Variants in KIF6 observed in about 807,000 individuals in gnomAD.
KIF6 encodes kinesin-like protein KIF6.
A neutral mutation model predicts 112.7 loss-of-function variants in KIF6; 106 were observed. The ratio of observed to expected loss-of-function variants is 0.94; its 90% confidence interval spans 0.80 to 1.11. The LOEUF (loss-of-function observed/expected upper bound fraction) is 1.11, where lower values mean the gene tolerates loss of function less well. KIF6 is among the 50% of genes least tolerant of loss of function. KIF6 has a pLI of 0.00. For missense variants in KIF6, 929 were observed against 964.0 expected (o/e 0.96, Z 0.48); for synonymous variants, 339 against 339.9 (o/e 1.00, Z 0.03).
At chr6:39,420,719 C>T (rs563250104) in intron 14 of KIF6, among the ~76,000 whole-genome samples, 22 of 152,244 alleles carry the variant, frequency 1.4e-4, no homozygotes, top group Non-Finnish European at 2.8e-4. Flanking sequence ...ACATTGGATA[C>T]ACGTATCCAC....
At chr6:39,370,453 C>G (rs1310933682) in intron 16 of KIF6, among the ~76,000 whole-genome samples, 2 of 152,190 alleles carry the variant, frequency 1.3e-5, no homozygotes, top group Non-Finnish European at 2.9e-5. Context: ...TCTCCCTCTT[C>G]TTTTGGAAAA....
At position 39,370,143 on chromosome 6, in the gene KIF6, C is replaced by T. The variant is rs141848515; in HGVS notation, c.1862-7625G>A. Among the ~76,000 whole-genome samples, 420 of 152,308 alleles carry T rather than the reference C, an allele frequency of 2.8e-3. 2 individuals carry two copies. The highest frequency in any genetic ancestry group is 9.5e-3 in the African/African-American group (396 of 41,548). ...TCCTGTCACTTAAGCCTCATGGACTCGTGGTGACCATATGGCTCAGTGCAG... is the reference window on the plus strand; with the variant it reads ...TCCTGTCACTTAAGCCTCATGGACTTGTGGTGACCATATGGCTCAGTGCAG... On this transcript the variant is annotated intron_variant, in intron 16 of 22. Transcript: ENST00000287152.
At chr6:39,420,064 A>T in intron 14 of KIF6, 61 bp from the exon 15 acceptor site, 3 of 1,217,972 alleles carry the variant, frequency 2.5e-6, no homozygotes, top group East Asian at 4.7e-5. Context: ...TGTTTTAAAA[A>T]TAATAGATTT....
chr6:39,710,222 TGGAGGAAAGAGG>T (rs1789457898), intron 3 of KIF6, among the ~76,000 whole-genome samples: 1 of 152,178 alleles, frequency 6.6e-6, no homozygotes, highest in African/African-American at 2.4e-5. Flanking sequence ...CCTAGCACCC[TGGAGGAAAGAGG>T]GCCTCACGCC....
chr6:39,460,323 A>G (rs1188452901), intron 13 of KIF6, among the ~76,000 whole-genome samples: 10 of 112,740 alleles, frequency 8.9e-5, no homozygotes, highest in South Asian at 3.5e-4. Context: ...GAATTGAACA[A>G]TGAGATCACA....
intron 13 of KIF6, among the ~76,000 whole-genome samples, chr6:39,460,030 AC>A (rs1773361018): frequency 6.9e-6 from 1 of 145,790 alleles, no homozygotes; most frequent in Non-Finnish European, 1.5e-5. Flanking sequence ...CTGGGTATAT[AC>A]CCAAATGACT....
intron 10 of KIF6, among the ~76,000 whole-genome samples, chr6:39,575,623 G>A (rs564464835): frequency 1.3e-5 from 2 of 152,252 alleles, no homozygotes; most frequent in East Asian, 3.9e-4. Context: ...GCTAAAGACA[G>A]CAACTGGTCT....
At chr6:39,479,108 G>A (rs1472891311) in intron 13 of KIF6, among the ~76,000 whole-genome samples, 4 of 151,998 alleles carry the variant, frequency 2.6e-5, no homozygotes. Context: ...AGTTTAATTA[G>A]GTCTCAGCTA....
chr6:39,365,394 GC>G (rs1765484606), intron 16 of KIF6, among the ~76,000 whole-genome samples: 1 of 152,116 alleles, frequency 6.6e-6, no homozygotes, highest in African/African-American at 2.4e-5. Context: ...ATCACCCACA[GC>G]CCCCCAAGTC....
At chr6:39,533,828 A>T (rs141393670) in intron 13 of KIF6, among the ~76,000 whole-genome samples, 2,311 of 152,300 alleles carry the variant, frequency 0.015, 28 homozygotes, top group Non-Finnish European at 0.024. Context: ...GGGCAGACTG[A>T]CACCTCACAC....
At chr6:39,576,035 G>C (rs1030062433) in intron 10 of KIF6, among the ~76,000 whole-genome samples, 1 of 152,124 alleles carries the variant, frequency 6.6e-6, no homozygotes, top group African/African-American at 2.4e-5. Context: ...CACTCAGTCT[G>C]ACATACTGAA....
chr6:39,614,457 G>T (rs185959759), intron 5 of KIF6, among the ~76,000 whole-genome samples: 5 of 152,214 alleles, frequency 3.3e-5, no homozygotes, highest in Admixed American at 1.3e-4. Context: ...TAAAAATGAA[G>T]ATTTTGCAAG....
intron 9 of KIF6, among the ~76,000 whole-genome samples, 178 bp downstream of exon 9, chr6:39,584,720 C>G (rs1359921060): frequency 6.6e-6 from 1 of 152,068 alleles, no homozygotes; most frequent in Admixed American, 6.6e-5. Context: ...TCAGTTTTGT[C>G]ATCTTTAAGG....
intron 15 of KIF6, among the ~76,000 whole-genome samples, chr6:39,397,044 G>A (rs1424141120): frequency 1.3e-5 from 2 of 152,080 alleles, no homozygotes; most frequent in African/African-American, 4.8e-5. Flanking sequence ...GAGGAAGGGG[G>A]GACAGTCACA....
At chr6:39,565,751 G>C (rs1229038045) in intron 10 of KIF6, among the ~76,000 whole-genome samples, 1 of 152,182 alleles carries the variant, frequency 6.6e-6, no homozygotes, top group Non-Finnish European at 1.5e-5. Flanking sequence ...TTATAAGACT[G>C]TGTGATATTC....
At chr6:39,572,398 C>T (rs796826299) in intron 10 of KIF6, among the ~76,000 whole-genome samples, 4 of 152,170 alleles carry the variant, frequency 2.6e-5, no homozygotes, top group African/African-American at 9.6e-5. Flanking sequence ...CCTCTAACCC[C>T]CCACCAAAGC....
At position 39,599,298 on chromosome 6, in the gene KIF6, A is replaced by C. The variant is rs554786917; in HGVS notation, c.640-3038T>G. On this transcript the variant is annotated intron_variant, in intron 6 of 22. Coordinates refer to ENST00000287152, the MANE Select transcript of KIF6 (RefSeq NM_145027.6). Reference sequence around the variant, plus strand: ...TCTCCACCTTTGCAAAATGAGATTTAAACAAAGAATTTCAATATGGATGCA... The same window carrying C: ...TCTCCACCTTTGCAAAATGAGATTTCAACAAAGAATTTCAATATGGATGCA... Among the ~76,000 whole-genome samples, 5 of 152,376 alleles carry C rather than the reference A, an allele frequency of 3.3e-5. No homozygotes were observed. In the South Asian group the frequency reaches 1.0e-3, roughly 32 times the overall value.
intron 13 of KIF6, among the ~76,000 whole-genome samples, chr6:39,495,306 C>T (rs1055958599): frequency 3.9e-5 from 6 of 152,100 alleles, no homozygotes; most frequent in African/African-American, 9.7e-5. Flanking sequence ...TTTGCAGCAG[C>T]GAGAGTGCAG....
At chr6:39,655,620 G>C (rs1187194285) in intron 3 of KIF6, among the ~76,000 whole-genome samples, 1 of 151,844 alleles carries the variant, frequency 6.6e-6, no homozygotes, top group Non-Finnish European at 1.5e-5. Flanking sequence ...ATCTAACTTT[G>C]TTTTTGCTCA....
Sources: allele counts gnomAD v4.1 joint callset (sites outside exome capture counted in the v4.1 genomes callset), GRCh38; gene constraint gnomAD v4.1.1; transcripts MANE v1.5; gene names NCBI Gene and HGNC (gene_info 2026-07-23, HGNC 2026-07-21).